Variants in USP3 observed in about 807,000 individuals in gnomAD.
USP3 encodes the protein ubiquitin specific peptidase 3, also known as ubiquitin carboxyl-terminal hydrolase 3.
In USP3, 20 loss-of-function variants were observed where a neutral mutation model predicts 72.3. The observed-to-expected ratio is 0.28, with a 90% confidence interval of 0.19 to 0.40. The LOEUF (loss-of-function observed/expected upper bound fraction) is 0.40, where lower values mean the gene tolerates loss of function less well. USP3 is among the 10% of genes least tolerant of loss of function. The pLI is 1.00. For missense variants in USP3, 479 were observed against 633.9 expected (o/e 0.76, Z 2.62); for synonymous variants, 222 against 225.3 (o/e 0.99, Z 0.13).
chr15:63,558,494 T>C (rs2066548912), intron 6 of USP3, among the ~76,000 whole-genome samples: 1 of 152,154 alleles, frequency 6.6e-6, no homozygotes, highest in Non-Finnish European at 1.5e-5. Flanking sequence ...AAACTTTTTC[T>C]GTGAAAGGCC....
chr15:63,559,084 T>C (rs62012765), intron 6 of USP3, among the ~76,000 whole-genome samples: 18,780 of 152,080 alleles, frequency 0.12, 1,599 homozygotes, highest in South Asian at 0.2. Context: ...TTTTTCTGTA[T>C]GAAAAATCAG....
At chr15:63,513,700 TA>T (rs2065818127) in intron 1 of USP3, among the ~76,000 whole-genome samples, 1 of 152,216 alleles carries the variant, frequency 6.6e-6, no homozygotes, top group Non-Finnish European at 1.5e-5. Flanking sequence ...ATAATAGATT[TA>T]AATTGTTCAT....
At chr15:63,589,574 A>G (rs1411249375) in intron 14 of USP3, among the ~76,000 whole-genome samples, 1 of 152,178 alleles carries the variant, frequency 6.6e-6, no homozygotes, top group Non-Finnish European at 1.5e-5. Context: ...TATGAATGAC[A>G]AGTCTGATTC....
chr15:63,509,308 GATAA>G (rs761717015), intron 1 of USP3, among the ~76,000 whole-genome samples: 33 of 152,256 alleles, frequency 2.2e-4, no homozygotes, highest in South Asian at 4.1e-4. Context: ...ATATTTGCCT[GATAA>G]ATAAAGGAAC....
At position 63,522,994 on chromosome 15, in the gene USP3, A is replaced by G. The variant is rs144105365; in HGVS notation, c.92-9653A>G. 1.5e-3 allele frequency among the ~76,000 whole-genome samples: 221 copies of G among 152,284 alleles called. 1 individual carries two copies. Among genetic ancestry groups the G allele is most frequent in the Admixed American group, 3.9e-3 (60 of 15,310 alleles). ...AAATGTTTTACCTGAGTGGCATTCTATTATCTAAACCTTATCTGTTAAAAT... is the reference window on the plus strand; with the variant it reads ...AAATGTTTTACCTGAGTGGCATTCTGTTATCTAAACCTTATCTGTTAAAAT... On this transcript the variant is annotated intron_variant, in intron 1 of 14. Transcript: ENST00000380324.
intron 3 of USP3, among the ~76,000 whole-genome samples, chr15:63,545,898 G>A (rs931430777): frequency 3.4e-5 from 5 of 145,708 alleles, no homozygotes; most frequent in African/African-American, 1.3e-4. Flanking sequence ...TTGAGCCCAG[G>A]AGACGGAGGT....
rs796702732 is a variant in USP3 at position 63,594,218 on chromosome 15, ACT to A, written c.*3398_*3399del. ...CACTTTAATCTCCACCAGCCCCTAA[ACT>A]CTCTCCTGTACCCTCTGTTGCTGAA... On this transcript the variant is annotated 3_prime_UTR_variant, in exon 15 of 15. Transcript: ENST00000380324. 6.2e-4 allele frequency: 94 copies of A among 151,730 alleles called. 2 individuals are homozygous for A. The highest frequency in any genetic ancestry group is 2.2e-3 in the African/African-American group (89 of 41,332). The allele number at this position is 151,730 out of a possible 1,614,324, so 9.4% of individuals were successfully genotyped here. A position where few individuals can be genotyped will look rare whatever the true frequency, so the allele number is the denominator to read the frequency against.
intron 3 of USP3, among the ~76,000 whole-genome samples, chr15:63,541,108 T>C (rs2066238351): frequency 6.6e-6 from 1 of 152,176 alleles, no homozygotes; most frequent in African/African-American, 2.4e-5. Context: ...TCAACTTCGA[T>C]ATCCTTATCA....
chr15:63,511,225 T>G (rs939375388), intron 1 of USP3, among the ~76,000 whole-genome samples: 57 of 127,118 alleles, frequency 4.5e-4, no homozygotes, highest in Middle Eastern at 5.3e-3. Context: ...AGCCCAAAGC[T>G]TAAACTCTAA....
chr15:63,584,172 G>A (rs1279226019), intron 11 of USP3, among the ~76,000 whole-genome samples: 1 of 138,668 alleles, frequency 7.2e-6, no homozygotes, highest in Non-Finnish European at 1.5e-5. Context: ...ATCTCAGCTC[G>A]CTGCAACCTC....
intron 1 of USP3, among the ~76,000 whole-genome samples, chr15:63,520,998 G>A (rs1365848761): frequency 5.3e-5 from 8 of 152,028 alleles, no homozygotes; most frequent in Non-Finnish European, 8.8e-5. Context: ...AATGCCGGCC[G>A]CTCACTCCTA....
In USP3 at chr15:63,524,752, A is replaced by G. The variant is rs1471593640; in HGVS notation, c.92-7895A>G. Among the ~76,000 whole-genome samples, 13 of 152,224 alleles carry G rather than the reference A, an allele frequency of 8.5e-5. No individual in the cohort carries two copies. The South Asian group carries it at 1.0e-3, about 12-fold the overall frequency. ...GTCTCTGGGTAATTAGACTTCTTAC[A>G]TGGCGGCTGGCTCTCCCAAGAGCAA... On this transcript the variant is annotated intron_variant, in intron 1 of 14. Transcript: ENST00000380324.
chr15:63,556,507 C>T (rs2066511145), intron 4 of USP3, 160 bp from the exon 5 acceptor site: 3 of 495,810 alleles, frequency 6.1e-6, no homozygotes, highest in African/African-American at 2.0e-5. Context: ...TAGAGCTCCT[C>T]GGTTAACTTC....
At chr15:63,559,634 T>TTTTTTG (rs1258474781) in intron 6 of USP3, among the ~76,000 whole-genome samples, 2 of 152,192 alleles carry the variant, frequency 1.3e-5, no homozygotes, top group African/African-American at 4.8e-5. Context: ...CAGCTCTTTG[T>TTTTTTG]TTTTTGTTTT....
chr15:63,587,074 A>G (rs1213328129), intron 11 of USP3, among the ~76,000 whole-genome samples: 1 of 152,176 alleles, frequency 6.6e-6, no homozygotes, highest in Admixed American at 6.5e-5. Context: ...GCTTTTCTGT[A>G]CACAGCTAGG....
At chr15:63,519,733 G>A (rs2065893285) in intron 1 of USP3, among the ~76,000 whole-genome samples, 1 of 152,146 alleles carries the variant, frequency 6.6e-6, no homozygotes, top group Non-Finnish European at 1.5e-5. Context: ...TCAGTTATTA[G>A]TAGGATGATT....
intron 1 of USP3, among the ~76,000 whole-genome samples, chr15:63,518,750 TG>T (rs1281813113): frequency 2.0e-5 from 3 of 152,132 alleles, no homozygotes; most frequent in Non-Finnish European, 2.9e-5. Flanking sequence ...TCCATAGTTT[TG>T]TTTTTCCCCA....
At chr15:63,517,360 TTC>T (rs2065864666) in intron 1 of USP3, among the ~76,000 whole-genome samples, 1 of 152,142 alleles carries the variant, frequency 6.6e-6, no homozygotes, top group Non-Finnish European at 1.5e-5. Context: ...ACTCCAGCAG[TTC>T]AGAGTATGTT....
chr15:63,511,716 G>A (rs914756129), intron 1 of USP3, among the ~76,000 whole-genome samples: 8 of 152,058 alleles, frequency 5.3e-5, no homozygotes, highest in African/African-American at 1.9e-4. Context: ...TTTTCATTTT[G>A]TTTCTGTTAG....
Sources: allele counts gnomAD v4.1 joint callset (sites outside exome capture counted in the v4.1 genomes callset), GRCh38; gene constraint gnomAD v4.1.1; transcripts MANE v1.5; gene names NCBI Gene and HGNC (gene_info 2026-07-23, HGNC 2026-07-21).